The following DYM variants were observed in gnomAD, a reference collection of about 807,000 sequenced individuals.
The protein encoded by DYM is dyggve-Melchior-Clausen syndrome protein.
A neutral mutation model predicts 93.1 loss-of-function variants in DYM; 78 were observed. The ratio of observed to expected loss-of-function variants is 0.84; its 90% confidence interval spans 0.70 to 1.01. The LOEUF (loss-of-function observed/expected upper bound fraction) is 1.01. DYM is among the 50% of genes least tolerant of loss of function. The pLI, the probability that DYM is intolerant of heterozygous loss-of-function variation, is 0.00. For synonymous variants in DYM, 321 were observed against 319.7 expected, an observed-to-expected ratio of 1.00 and a Z score of -0.04; for missense variants, 789 against 845.0, an observed-to-expected ratio of 0.93 and a Z score of 0.82.
intron 13 of DYM, among the ~76,000 whole-genome samples, chr18:49,247,190 C>T (rs11662738): frequency 0.48 from 73,598 of 152,020 alleles, 19,077 homozygotes; most frequent in Middle Eastern, 0.65. Context: ...CTGGGTTCCG[C>T]TCCTGTATTG....
At chr18:49,427,458 G>A (rs1479797305) in intron 2 of DYM, among the ~76,000 whole-genome samples, 1 of 151,984 alleles carries the variant, frequency 6.6e-6, no homozygotes, top group Non-Finnish European at 1.5e-5. Context: ...GCTCCTAATT[G>A]TAATAAACTA....
intron 14 of DYM, among the ~76,000 whole-genome samples, chr18:49,164,107 T>TG (rs1359455916): frequency 8.5e-5 from 13 of 152,316 alleles, no homozygotes; most frequent in Admixed American, 7.2e-4. Context: ...AGACTATGAC[T>TG]AACTCATAGT....
Position 49,379,543 on chromosome 18 carries a change from A to T in DYM, c.287+122T>A. On this transcript the variant is annotated intron_variant, in intron 4 of 17. Transcript: ENST00000675505. ...AAAACCTCTCTACCTTTTTTTCTTA[A>T]TAATGAGAATAATTCCTTCACAGAG... 1.4e-5 allele frequency: 12 copies of T among 866,660 alleles called. No homozygotes were observed. In the Admixed American group the frequency reaches 1.6e-4, roughly 12 times the overall value. 53.7% of individuals were successfully genotyped at this position (866,660 alleles called of 1,614,324 possible).
intron 17 of DYM, among the ~76,000 whole-genome samples, chr18:49,076,977 T>C (rs1007515558): frequency 1.1e-4 from 16 of 152,326 alleles, no homozygotes; most frequent in African/African-American, 3.8e-4. Context: ...GTGAAACATA[T>C]GGTGCCCTGC....
At chr18:49,084,045 T>C (rs2078281022) in intron 17 of DYM, among the ~76,000 whole-genome samples, 1 of 152,194 alleles carries the variant, frequency 6.6e-6, no homozygotes, top group South Asian at 2.1e-4. Flanking sequence ...TTAATTTGCT[T>C]TTCTTTTTAG....
At chr18:49,273,507 T>C (rs1277314374) in intron 10 of DYM, among the ~76,000 whole-genome samples, 1 of 152,150 alleles carries the variant, frequency 6.6e-6, no homozygotes, top group Non-Finnish European at 1.5e-5. Flanking sequence ...ACCACATATA[T>C]AACAGTCTGT....
intron 8 of DYM, among the ~76,000 whole-genome samples, chr18:49,309,019 G>A (rs954683223): frequency 4.0e-5 from 6 of 151,434 alleles, no homozygotes; most frequent in African/African-American, 7.3e-5. Context: ...ACACCACAAC[G>A]GTACATAAAC....
At chr18:49,156,579 AAT>A (rs1364913040) in intron 15 of DYM, among the ~76,000 whole-genome samples, 2 of 151,880 alleles carry the variant, frequency 1.3e-5, no homozygotes, top group African/African-American at 4.8e-5. Context: ...TAAAAATACA[AAT>A]ATGAGTAGGG....
chr18:49,171,111 G>A lies in DYM; in HGVS notation c.1626-7324C>T, dbSNP rs368501212. On this transcript the variant is annotated intron_variant, in intron 14 of 17. Coordinates refer to ENST00000675505, the MANE Select transcript of DYM (RefSeq NM_001353214.3). ...CCACTGTCAGAGGGGAGGAGGAGGCGGAAGCTGGACTGCAGCGCTTGAGAA... is the reference window on the plus strand; with the variant it reads ...CCACTGTCAGAGGGGAGGAGGAGGCAGAAGCTGGACTGCAGCGCTTGAGAA... Among the ~76,000 whole-genome samples, 32 of 152,236 alleles carry A rather than the reference G, an allele frequency of 2.1e-4. 1 individual carries two copies. The highest frequency in any genetic ancestry group is 7.5e-4 in the African/African-American group (31 of 41,548).
chr18:49,120,273 T>C (rs2082273307), intron 15 of DYM, among the ~76,000 whole-genome samples: 1 of 151,958 alleles, frequency 6.6e-6, no homozygotes. Flanking sequence ...TAGTCCACAA[T>C]AGTTAAAATC....
intron 2 of DYM, among the ~76,000 whole-genome samples, chr18:49,420,961 G>A (rs1268705285): frequency 1.3e-5 from 2 of 152,176 alleles, no homozygotes; most frequent in Admixed American, 6.5e-5. Flanking sequence ...GCGAGGCTGG[G>A]GGAGGGGCAC....
chr18:49,105,358 G>C (rs937367894), intron 16 of DYM, among the ~76,000 whole-genome samples: 1 of 152,116 alleles, frequency 6.6e-6, no homozygotes, highest in South Asian at 2.1e-4. Flanking sequence ...CAAAAAACCA[G>C]CTCCTGGATT....
At chr18:49,164,382 T>A (rs1202905273) in intron 14 of DYM, among the ~76,000 whole-genome samples, 1 of 151,276 alleles carries the variant, frequency 6.6e-6, no homozygotes, top group African/African-American at 2.4e-5. Flanking sequence ...TAACACAACA[T>A]GTGAAGTAAA....
chr18:49,080,107 G>A (rs1190247320), intron 17 of DYM, among the ~76,000 whole-genome samples: 13 of 54,928 alleles, frequency 2.4e-4, no homozygotes, highest in Admixed American at 6.0e-4. Context: ...TGGCCGGGCG[G>A]GGGGCTGACC....
At chr18:49,411,096 T>C (rs1383318160) in intron 2 of DYM, among the ~76,000 whole-genome samples, 4 of 152,084 alleles carry the variant, frequency 2.6e-5, no homozygotes, top group African/African-American at 9.7e-5. Context: ...GTGACAGAAA[T>C]AGAGAAGCAG....
chr18:49,195,571 A>G (rs561788684), intron 14 of DYM, among the ~76,000 whole-genome samples: 33 of 151,946 alleles, frequency 2.2e-4, no homozygotes, highest in African/African-American at 6.8e-4. Flanking sequence ...TGAGGAAATC[A>G]TAACAGAATC....
intron 17 of DYM, among the ~76,000 whole-genome samples, chr18:49,050,059 G>C (rs1770033075): frequency 6.6e-6 from 1 of 151,338 alleles, no homozygotes; most frequent in African/African-American, 2.4e-5. Flanking sequence ...GTTATGATAA[G>C]GTGGACAGAG....
At chr18:49,377,056 T>C (rs939150657) in intron 5 of DYM, among the ~76,000 whole-genome samples, 2 of 152,240 alleles carry the variant, frequency 1.3e-5, no homozygotes, top group African/African-American at 4.8e-5. Flanking sequence ...GTCACTCTGC[T>C]ACTTGAGTTG....
intron 3 of DYM, among the ~76,000 whole-genome samples, chr18:49,381,517 T>C (rs1219915959): frequency 6.6e-6 from 1 of 152,222 alleles, no homozygotes; most frequent in African/African-American, 2.4e-5. Flanking sequence ...TCTGAGAGCT[T>C]GGTGGAAGTT....
Sources: gnomAD v4.1 joint callset for allele counts (sites outside exome capture counted in the v4.1 genomes callset) on GRCh38, gnomAD v4.1.1 for gene constraint, MANE v1.5 for transcripts, NCBI Gene and HGNC (gene_info 2026-07-23, HGNC 2026-07-21) for gene names.